Variants in DCC observed in about 807,000 individuals in gnomAD.
The protein encoded by DCC is DCC netrin 1 receptor, also known as netrin receptor DCC.
In DCC, 58 loss-of-function variants were observed where a neutral mutation model predicts 172.5. That is an observed-to-expected ratio of 0.34 (90% confidence interval 0.27 to 0.42). The LOEUF (loss-of-function observed/expected upper bound fraction) is 0.42, where lower values mean the gene tolerates loss of function less well. Ranked by LOEUF, DCC falls within the 10% of genes least tolerant of loss-of-function variation. The pLI is 1.00. For synonymous variants in DCC, 709 were observed against 644.5 expected, an observed-to-expected ratio of 1.10 and a Z score of -1.52; for missense variants, 1,740 against 1,791.0, an observed-to-expected ratio of 0.97 and a Z score of 0.51.
chr18:52,701,847 G>A (rs1349088688), intron 1 of DCC, among the ~76,000 whole-genome samples: 2 of 152,128 alleles, frequency 1.3e-5, no homozygotes, highest in African/African-American at 4.8e-5. Flanking sequence ...AATCCACCAT[G>A]TTGGCTTCTG....
intron 5 of DCC, among the ~76,000 whole-genome samples, chr18:52,999,121 A>C (rs186689966): frequency 7.2e-5 from 11 of 152,060 alleles, no homozygotes; most frequent in Admixed American, 3.3e-4. Context: ...TTTTTAAACC[A>C]CTTCTGCTTT....
At chr18:52,534,269 GAC>G (rs1387371290) in intron 1 of DCC, among the ~76,000 whole-genome samples, 1 of 152,022 alleles carries the variant, frequency 6.6e-6, no homozygotes, top group Non-Finnish European at 1.5e-5. Flanking sequence ...TAAGATCCAA[GAC>G]TTGATGGGTA....
chr18:52,423,628 T>C (rs993399633), intron 1 of DCC, among the ~76,000 whole-genome samples: 1 of 152,010 alleles, frequency 6.6e-6, no homozygotes, highest in Admixed American at 6.6e-5. Flanking sequence ...AAAATGACAA[T>C]TGGTTTCTGT....
chr18:52,947,533 C>T (rs970963728), intron 5 of DCC, among the ~76,000 whole-genome samples: 5 of 151,984 alleles, frequency 3.3e-5, no homozygotes, highest in Non-Finnish European at 5.9e-5. Flanking sequence ...TTCAATGTAA[C>T]TGACCTCATT....
At chr18:53,214,059 T>G (rs1256788263) in intron 11 of DCC, among the ~76,000 whole-genome samples, 1 of 152,078 alleles carries the variant, frequency 6.6e-6, no homozygotes, top group African/African-American at 2.4e-5. Context: ...TCAAAATGAA[T>G]AAATATCTTT....
In DCC at chr18:53,370,048, A is replaced by C. The variant is rs113628644; in HGVS notation, c.2360-15995A>C. On this transcript the variant is annotated intron_variant, in intron 15 of 28. Transcript: ENST00000442544. The stretch of plus-strand genomic sequence containing the variant: ...AAAAGAACTGGTACTAATTTTTTTA[A>C]TGTTTGGTAGAATTCACCTACAAAC... Among the ~76,000 whole-genome samples, 861 of 151,800 alleles carry C rather than the reference A, an allele frequency of 5.7e-3. 7 individuals are homozygous for C. Among genetic ancestry groups the C allele is most frequent in the African/African-American group, 0.02 (816 of 41,506 alleles).
chr18:53,027,381 A>G (rs1461973532), intron 5 of DCC, among the ~76,000 whole-genome samples: 1 of 152,192 alleles, frequency 6.6e-6, no homozygotes, highest in Admixed American at 6.5e-5. Context: ...AAGTAACGTT[A>G]ATATTAGCAT....
intron 1 of DCC, among the ~76,000 whole-genome samples, chr18:52,705,949 A>T (rs749211840): frequency 1.3e-5 from 2 of 152,202 alleles, no homozygotes; most frequent in Non-Finnish European, 2.9e-5. Flanking sequence ...GTTCAAATTC[A>T]TTATGTTAAC....
chr18:53,118,388 T>C (rs2043436941), intron 7 of DCC, among the ~76,000 whole-genome samples: 2 of 151,916 alleles, frequency 1.3e-5, no homozygotes, highest in South Asian at 4.1e-4. Context: ...GAATTTCAGA[T>C]GTCACGCATA....
intron 1 of DCC, among the ~76,000 whole-genome samples, chr18:52,546,263 G>A (rs977530515): frequency 5.3e-5 from 8 of 152,100 alleles, no homozygotes; most frequent in Non-Finnish European, 8.8e-5. Flanking sequence ...ACAGAGAATA[G>A]GAGTGGTGTT....
At chr18:53,459,506 C>A in intron 24 of DCC, 48 bp downstream of exon 24, 1 of 1,293,110 alleles carries the variant, frequency 7.7e-7, no homozygotes, top group Non-Finnish European at 1.1e-6. Flanking sequence ...ATTCTGAACC[C>A]AAGGGAGTTT....
At chr18:52,568,549 C>T (rs2033218367) in intron 1 of DCC, among the ~76,000 whole-genome samples, 2 of 152,070 alleles carry the variant, frequency 1.3e-5, no homozygotes, top group Non-Finnish European at 2.9e-5. Flanking sequence ...TAAGTGCTTG[C>T]TATTATTATT....
chr18:53,031,252 C>G (rs1268720542), intron 5 of DCC, among the ~76,000 whole-genome samples: 2 of 152,132 alleles, frequency 1.3e-5, no homozygotes, highest in Admixed American at 1.3e-4. Flanking sequence ...GAGCAAAACT[C>G]TCTCTCAATA....
chr18:52,906,443 G>T, intron 3 of DCC, 115 bp downstream of exon 3: 3 of 1,077,810 alleles, frequency 2.8e-6, no homozygotes, highest in Non-Finnish European at 4.1e-6. Flanking sequence ...TGTTCATTGC[G>T]TTTTGTTTAT....
At chr18:53,378,796 T>C (rs752124389) in intron 15 of DCC, among the ~76,000 whole-genome samples, 7 of 152,288 alleles carry the variant, frequency 4.6e-5, no homozygotes, top group East Asian at 1.9e-4. Context: ...TTTCTCACAC[T>C]GAGTAGGTGA....
At chr18:52,747,644 A>T (rs1289608806) in intron 1 of DCC, among the ~76,000 whole-genome samples, 2 of 152,134 alleles carry the variant, frequency 1.3e-5, no homozygotes, top group Non-Finnish European at 2.9e-5. Flanking sequence ...CAGTTTTATC[A>T]TCTCTGTCTT....
chr18:53,302,089 T>G (rs1226215712), intron 12 of DCC, among the ~76,000 whole-genome samples: 1 of 152,166 alleles, frequency 6.6e-6, no homozygotes, highest in African/African-American at 2.4e-5. Flanking sequence ...CATATCTGTG[T>G]CCTTATTTTC....
chr18:53,361,341 G>A (rs1057402954), intron 15 of DCC, among the ~76,000 whole-genome samples: 1 of 152,004 alleles, frequency 6.6e-6, no homozygotes, highest in East Asian at 1.9e-4. Context: ...CGTAGTTGTT[G>A]GACTTTCCCC....
intron 1 of DCC, among the ~76,000 whole-genome samples, chr18:52,692,313 AAGGGAAGCTTCCC>A (rs1209337524): frequency 7.9e-5 from 12 of 152,270 alleles, no homozygotes; most frequent in African/African-American, 2.6e-4. Context: ...ATCAAACTTT[AAGGGAAGCTTCCC>A]AGCACTCCCT....
Sources: gnomAD v4.1 joint callset for allele counts (sites outside exome capture counted in the v4.1 genomes callset) on GRCh38, gnomAD v4.1.1 for gene constraint, MANE v1.5 for transcripts, NCBI Gene and HGNC (gene_info 2026-07-23, HGNC 2026-07-21) for gene names.